Variants in PALM2AKAP2 observed in about 807,000 individuals in gnomAD.
The protein encoded by PALM2AKAP2 is PALM2-AKAP2 fusion protein.
In PALM2AKAP2, 37 loss-of-function variants were observed where a neutral mutation model predicts 71.5. That is an observed-to-expected ratio of 0.52 (90% CI 0.40 to 0.68). PALM2AKAP2 has a LOEUF of 0.68. Among genes scored for constraint, PALM2AKAP2 ranks in the 30% least tolerant of loss-of-function variants. PALM2AKAP2 has a pLI of 0.00. For missense variants in PALM2AKAP2, 1,224 were observed against 1,191.8 expected (o/e 1.03, Z -0.40); for synonymous variants, 468 against 478.8 (o/e 0.98, Z 0.29).
At chr9:109,678,693 G>A (rs1827683757) in intron 1 of PALM2AKAP2, among the ~76,000 whole-genome samples, 1 of 152,068 alleles carries the variant, frequency 6.6e-6, no homozygotes, top group Non-Finnish European at 1.5e-5. Context: ...TAAAATTCTG[G>A]GAAGAGGAAA....
intron 1 of PALM2AKAP2, among the ~76,000 whole-genome samples, chr9:109,733,785 A>G (rs935558823): frequency 3.9e-5 from 6 of 152,172 alleles, no homozygotes; most frequent in African/African-American, 1.4e-4. Flanking sequence ...TTTTACTGCT[A>G]CCACGAATAG....
intron 6 of PALM2AKAP2, chr9:109,945,593 AT>A (rs1295223438): frequency 2.0e-5 from 3 of 152,218 alleles, no homozygotes; most frequent in Non-Finnish European, 4.4e-5. Flanking sequence ...TGTTATTTTA[AT>A]GATTTACTTA....
chr9:110,003,272 C>A (rs1383176711), intron 6 of PALM2AKAP2, among the ~76,000 whole-genome samples: 2 of 152,060 alleles, frequency 1.3e-5, no homozygotes, highest in Non-Finnish European at 2.9e-5. Context: ...TTTATTTCTG[C>A]CTTCATTTTG....
At chr9:109,797,808 A>G (rs1490860135) in intron 1 of PALM2AKAP2, among the ~76,000 whole-genome samples, 6 of 152,232 alleles carry the variant, frequency 3.9e-5, no homozygotes. Context: ...CAAAATGTTC[A>G]GAGTTGGGTT....
intron 3 of PALM2AKAP2, among the ~76,000 whole-genome samples, chr9:110,159,978 T>C (rs1281249905): frequency 6.6e-6 from 1 of 152,206 alleles, no homozygotes; most frequent in Non-Finnish European, 1.5e-5. Context: ...GCTGATTTCT[T>C]TGTCCTGTAT....
chr9:110,166,267 C>G (rs1237577438), intron 3 of PALM2AKAP2, among the ~76,000 whole-genome samples: 1 of 152,160 alleles, frequency 6.6e-6, no homozygotes, highest in South Asian at 2.1e-4. Context: ...GATACTGAAG[C>G]ACAGGGGTAA....
At chr9:109,969,508 C>T (rs763392117) in intron 6 of PALM2AKAP2, among the ~76,000 whole-genome samples, 13 of 152,362 alleles carry the variant, frequency 8.5e-5, no homozygotes, top group Non-Finnish European at 1.2e-4. Flanking sequence ...GGCTGCTGGT[C>T]TGGCAGGCAG....
intron 1 of PALM2AKAP2, among the ~76,000 whole-genome samples, chr9:109,700,172 C>T (rs1826828341): frequency 6.6e-6 from 1 of 152,134 alleles, no homozygotes; most frequent in Admixed American, 6.5e-5. Context: ...GCTGTGTCCC[C>T]ACCCAAATCT....
chr9:110,037,195 T>C lies in PALM2AKAP2; in HGVS notation c.582+21156T>C, dbSNP rs1833428051. Among the ~76,000 whole-genome samples the C allele has an allele frequency of 2.0e-5, 3 of 151,938 alleles. 1 individual carries two copies. The South Asian group carries it at 6.2e-4, about 32-fold the overall frequency. On this transcript the variant is annotated intron_variant, in intron 7 of 9. Coordinates refer to the PALM2AKAP2 transcript ENST00000302798. ...CTTTCCTTTTTTTTTTTCCAACAAA[T>C]ATTTTTTGTTGTTTGTTTTTTTGAA...
intron 3 of PALM2AKAP2, among the ~76,000 whole-genome samples, chr9:109,920,431 GTGCAAT>G (rs1485434310): frequency 1.3e-5 from 2 of 151,526 alleles, no homozygotes; most frequent in Non-Finnish European, 2.9e-5. Context: ...AAGTGCAGTG[GTGCAAT>G]CTGGGCTCGC....
At chr9:109,755,662 A>T in intron 1 of PALM2AKAP2, among the ~76,000 whole-genome samples, 1 of 152,102 alleles carries the variant, frequency 6.6e-6, no homozygotes. Flanking sequence ...AAAACAAAAA[A>T]TAGAAAAGCA....
chr9:110,052,357 C>T (rs1246302257), intron 1 of PALM2AKAP2, among the ~76,000 whole-genome samples: 1 of 152,206 alleles, frequency 6.6e-6, no homozygotes, highest in Non-Finnish European at 1.5e-5. Context: ...AGAATGTTAC[C>T]ATGGACCATG....
At chr9:109,709,600 A>C (rs1021572348) in intron 1 of PALM2AKAP2, among the ~76,000 whole-genome samples, 1 of 151,920 alleles carries the variant, frequency 6.6e-6, no homozygotes, top group Non-Finnish European at 1.5e-5. Context: ...ACCAGGCTCT[A>C]CTCCTCAGAG....
intron 2 of PALM2AKAP2, among the ~76,000 whole-genome samples, chr9:110,147,591 T>TA (rs1587860355): frequency 6.6e-6 from 1 of 152,242 alleles, no homozygotes; most frequent in East Asian, 1.9e-4. Flanking sequence ...ACCTGGGCAA[T>TA]ATAGTGAGAC....
chr9:109,642,397 AT>A (rs1428380402), intron 1 of PALM2AKAP2, among the ~76,000 whole-genome samples: 2 of 151,534 alleles, frequency 1.3e-5, no homozygotes, highest in Non-Finnish European at 2.9e-5. Context: ...AATAAGCTCA[AT>A]AAATATCATC....
intron 1 of PALM2AKAP2, among the ~76,000 whole-genome samples, chr9:109,767,182 GT>G (rs1329930072): frequency 6.6e-6 from 1 of 152,192 alleles, no homozygotes; most frequent in Non-Finnish European, 1.5e-5. Flanking sequence ...AGGGGTCCAT[GT>G]TCCCCTTGCT....
rs77973085 is a variant in PALM2AKAP2, at chr9:109,822,579, A to C, written c.45+42046A>C. Among the ~76,000 whole-genome samples, 521 of 152,102 alleles carry C rather than the reference A, an allele frequency of 3.4e-3. 8 individuals carry two copies. Among genetic ancestry groups the C allele is most frequent in the African/African-American group, 0.012 (501 of 41,500 alleles). On this transcript the variant is annotated intron_variant, in intron 1 of 9. Coordinates refer to the PALM2AKAP2 transcript ENST00000302798. ...GTCTGTTGTTCCCTTCTTTTTGTCC[A>C]TGGTATACTCAGTGTTTAGCTCCCA...
In PALM2AKAP2 at chr9:110,132,350, G is replaced by C. The variant is rs192468756; in HGVS notation, c.157-3777G>C. Among the ~76,000 whole-genome samples the C allele has an allele frequency of 3.5e-3, 528 of 151,146 alleles. 5 individuals are homozygous for C. Among genetic ancestry groups the C allele is most frequent in the African/African-American group, 0.012 (494 of 41,158 alleles). ...GCTGGGATTACAGGGGTGAGCCACC[G>C]TGCGGGCTTCTTTTTTTTTTTTCTT... is the stretch of plus-strand genomic sequence containing the variant. On this transcript the variant is annotated intron_variant, in intron 1 of 3. Transcript: ENST00000374525.
In PALM2AKAP2 at chr9:109,975,206, A is replaced by C. The variant is rs555238923; in HGVS notation, c.497-40748A>C. 2.0e-5 allele frequency among the ~76,000 whole-genome samples: 3 copies of C among 152,260 alleles called. No individual in the cohort carries two copies. The South Asian group carries it at 6.2e-4, about 32-fold the overall frequency. On this transcript the variant is annotated intron_variant, in intron 6 of 9. Coordinates refer to the PALM2AKAP2 transcript ENST00000302798. ...CGGTTGAGAAGCCCCACGATCTACT[A>C]TCTACAAGCTGGAGGCCCAGGAAAG... is the stretch of plus-strand genomic sequence containing the variant.
Sources: allele counts gnomAD v4.1 joint callset (sites outside exome capture counted in the v4.1 genomes callset), GRCh38; gene constraint gnomAD v4.1.1; transcripts MANE v1.5; gene names NCBI Gene and HGNC (gene_info 2026-07-23, HGNC 2026-07-21).